The following TAF2 variants were observed in gnomAD, a reference collection of about 807,000 sequenced individuals.
TAF2 encodes the protein TATA-box binding protein associated factor 2.
TAF2 carries 61 observed loss-of-function variants against 138.5 expected under a neutral mutation model. The ratio of observed to expected loss-of-function variants is 0.44; its 90% confidence interval spans 0.36 to 0.54. TAF2 has a LOEUF of 0.54. TAF2 is among the 20% of genes least tolerant of loss of function. The pLI is 0.00. For synonymous variants in TAF2, 475 were observed against 469.9 expected (o/e 1.01, Z -0.14); for missense variants, 1,090 against 1,427.9 (o/e 0.76, Z 3.81).
At chr8:119,776,724 C>G (rs951437503) in intron 18 of TAF2, among the ~76,000 whole-genome samples, 1 of 152,090 alleles carries the variant, frequency 6.6e-6, no homozygotes, top group Non-Finnish European at 1.5e-5. Flanking sequence ...TATCCTAACA[C>G]TTACTTGTGT....
At chr8:119,778,539 C>A (rs1419491068) in intron 17 of TAF2, among the ~76,000 whole-genome samples, 1 of 152,192 alleles carries the variant, frequency 6.6e-6, no homozygotes, top group African/African-American at 2.4e-5. Flanking sequence ...AACTCCTAAG[C>A]TCTACTACCT....
intron 18 of TAF2, among the ~76,000 whole-genome samples, chr8:119,769,844 G>A (rs760245851): frequency 6.6e-6 from 1 of 150,428 alleles, no homozygotes; most frequent in Non-Finnish European, 1.5e-5. Context: ...TGCAACCTCC[G>A]CCTCCCGGGT....
At position 119,762,540 on chromosome 8, in the gene TAF2, A is replaced by G. The variant is rs779906458; in HGVS notation, c.2433T>C (p.Ser811=). ...CCAAAGTTCTAACTTCATTATTCAC[A>G]CTGACTGCAGGTGTAACAGAGTTGG... ...ALANSVTPAV[S]VNNEVRTLDN... is the part of the protein sequence containing the mutation. Residue 811 remains serine (S), a synonymous_variant, in exon 19 of 26, where the codon AGT becomes AGC. Coordinates refer to ENST00000378164, the MANE Select transcript of TAF2 (RefSeq NM_003184.4). 1.2e-6 allele frequency: 2 copies of G among 1,613,792 alleles called. No homozygotes were observed. The highest frequency in any genetic ancestry group is 3.3e-5 in the Admixed American group (2 of 59,990).
intron 18 of TAF2, among the ~76,000 whole-genome samples, chr8:119,776,556 G>A (rs1822258946): frequency 1.3e-5 from 2 of 151,590 alleles, no homozygotes; most frequent in Non-Finnish European, 3.0e-5. Context: ...GGGCGTAGTG[G>A]CGGGTACCTG....
intron 22 of TAF2, among the ~76,000 whole-genome samples, chr8:119,750,598 T>C (rs1447310515): frequency 1.3e-5 from 2 of 152,198 alleles, no homozygotes; most frequent in Admixed American, 6.5e-5. Flanking sequence ...TGTGTATATA[T>C]ATATAATTTC....
chr8:119,831,348 T>A (rs545247703), intron 2 of TAF2, among the ~76,000 whole-genome samples: 8 of 152,200 alleles, frequency 5.3e-5, no homozygotes, highest in African/African-American at 1.9e-4. Flanking sequence ...ATTTTTTTCA[T>A]AGAAGAAATG....
intron 25 of TAF2, among the ~76,000 whole-genome samples, chr8:119,739,024 T>C (rs1219553771): frequency 8.3e-6 from 1 of 120,192 alleles, no homozygotes; most frequent in Non-Finnish European, 1.7e-5. Context: ...TTTTTTTTTT[T>C]TTTTTAAATT....
chr8:119,802,171 C>A, intron 5 of TAF2, 146 bp from the exon 6 acceptor site: 1 of 671,712 alleles, frequency 1.5e-6, no homozygotes, highest in Non-Finnish European at 2.5e-6. Flanking sequence ...ACTGTACAAC[C>A]TGAAAAAAAT....
chr8:119,779,655 T>C (rs1287451119), intron 17 of TAF2, among the ~76,000 whole-genome samples: 1 of 152,236 alleles, frequency 6.6e-6, no homozygotes, highest in Non-Finnish European at 1.5e-5. Context: ...TTAGATTTAC[T>C]ATAAATACAT....
At chr8:119,820,215 C>A (rs995997922) in intron 2 of TAF2, among the ~76,000 whole-genome samples, 27 of 152,132 alleles carry the variant, frequency 1.8e-4, no homozygotes, top group Non-Finnish European at 2.9e-5. Flanking sequence ...AGATGAAACA[C>A]AGAATATATG....
intron 7 of TAF2, among the ~76,000 whole-genome samples, chr8:119,797,443 A>C (rs1191345380): frequency 6.8e-6 from 1 of 147,700 alleles, no homozygotes; most frequent in Non-Finnish European, 1.5e-5. Flanking sequence ...AATATTAGTT[A>C]ATTCTGGATG....
intron 3 of TAF2, among the ~76,000 whole-genome samples, chr8:119,814,932 T>TG (rs915763853): frequency 4.6e-5 from 6 of 129,470 alleles, no homozygotes; most frequent in South Asian, 2.7e-4. Flanking sequence ...TGGGGCGGGG[T>TG]GGGGGGCTTC....
chr8:119,799,297 C>A (rs1188821096), intron 6 of TAF2, among the ~76,000 whole-genome samples: 2 of 151,938 alleles, frequency 1.3e-5, no homozygotes, highest in Non-Finnish European at 2.9e-5. Context: ...CTAATGCTAT[C>A]CCTCCCCCAT....
intron 2 of TAF2, 140 bp downstream of exon 2, chr8:119,831,537 C>G (rs900414664): frequency 6.0e-5 from 35 of 585,738 alleles, no homozygotes; most frequent in East Asian, 1.2e-4. Flanking sequence ...TGTAATCATA[C>G]AGACCCTAAT....
Position 119,828,422 on chromosome 8 carries a change from T to C in TAF2, c.138+3255A>G, listed in dbSNP as rs575051693. On this transcript the variant is annotated intron_variant, in intron 2 of 25. Coordinates refer to ENST00000378164, the MANE Select transcript of TAF2 (RefSeq NM_003184.4). ...TGAACAGAAAATTAAAGCTTTGCTA[T>C]ACAATAAGGACAAGAATCACATCTG... is the stretch of plus-strand genomic sequence containing the variant. Among the ~76,000 whole-genome samples, 84 of 152,308 alleles carry C rather than the reference T, an allele frequency of 5.5e-4. 3 individuals carry two copies. The highest frequency in any genetic ancestry group is 1.7e-3 in the East Asian group (9 of 5,178).
chr8:119,764,640 G>C (rs1461486387), intron 18 of TAF2, among the ~76,000 whole-genome samples: 2 of 151,966 alleles, frequency 1.3e-5, no homozygotes, highest in South Asian at 2.1e-4. Context: ...GTCAAACAAG[G>C]GTTGACAAAC....
chr8:119,807,330 C>A (rs1281884527), intron 3 of TAF2, among the ~76,000 whole-genome samples: 1 of 152,160 alleles, frequency 6.6e-6, no homozygotes, highest in African/African-American at 2.4e-5. Flanking sequence ...TGAAGTCTTA[C>A]AGAAACGTGA....
In TAF2 at chr8:119,731,816, G is replaced by C. The variant is rs1319872050; in HGVS notation, c.*108C>G. The C allele has an allele frequency of 9.4e-7, 1 of 1,066,374 alleles. No individual in the cohort carries two copies. Among genetic ancestry groups the C allele is most frequent in the African/African-American group, 1.6e-5 (1 of 63,638 alleles). The allele number at this position is 1,066,374 out of a possible 1,614,324, so 66.1% of individuals were successfully genotyped here. On this transcript the variant is annotated 3_prime_UTR_variant, in exon 26 of 26. Transcript: ENST00000378164. ...TTAAATGAATTCAGAATTTCTGTAGGAGAGGCGAATCCTTTCCCCCCTCCC... is the reference window on the plus strand; with the variant it reads ...TTAAATGAATTCAGAATTTCTGTAGCAGAGGCGAATCCTTTCCCCCCTCCC...
chr8:119,789,786 T>C (rs779624949), intron 11 of TAF2, 40 bp from the exon 12 acceptor site: 1 of 1,574,502 alleles, frequency 6.4e-7, no homozygotes, highest in Non-Finnish European at 8.7e-7. Context: ...ATATAACAGA[T>C]TCTTTTCAAT....
Sources: gnomAD v4.1 joint callset for allele counts (sites outside exome capture counted in the v4.1 genomes callset) on GRCh38, gnomAD v4.1.1 for gene constraint, MANE v1.5 for transcripts, NCBI Gene and HGNC (gene_info 2026-07-23, HGNC 2026-07-21) for gene names.